SMAD1: variants seen among roughly 807,000 people sequenced by gnomAD.
The protein encoded by SMAD1 is MAD, mothers against decapentaplegic homolog 1.
SMAD1 carries 6 observed loss-of-function variants against 41.6 expected under a neutral mutation model. The ratio of observed to expected loss-of-function variants is 0.14; its 90% CI spans 0.08 to 0.28. The LOEUF (loss-of-function observed/expected upper bound fraction) is 0.28. Ranked by LOEUF, SMAD1 falls within the 10% of genes least tolerant of loss-of-function variation. The pLI is 1.00. For missense variants in SMAD1, 379 were observed against 582.6 expected (o/e 0.65, Z 3.60); for synonymous variants, 206 against 203.2 (o/e 1.01, Z -0.12).
At chr4:145,539,107 A>G (rs967924353) in intron 2 of SMAD1, among the ~76,000 whole-genome samples, 3 of 152,176 alleles carry the variant, frequency 2.0e-5, no homozygotes, top group Admixed American at 6.5e-5. Context: ...TGTATGAACT[A>G]ATTCTTCCTT....
intron 4 of SMAD1, chr4:145,546,029 CAA>C (rs1732230637): frequency 6.6e-6 from 1 of 152,280 alleles, no homozygotes; most frequent in African/African-American, 2.4e-5. Context: ...TGACTTAAAG[CAA>C]ATATAAGGAA....
At chr4:145,525,657 C>T (rs1267512429) in intron 2 of SMAD1, 1 of 152,536 alleles carries the variant, frequency 6.6e-6, no homozygotes. Context: ...GGCCAGGCCT[C>T]CTGGTGTATG....
chr4:145,510,217 T>C (rs888997160), intron 1 of SMAD1, among the ~76,000 whole-genome samples: 5 of 152,208 alleles, frequency 3.3e-5, no homozygotes, highest in African/African-American at 1.2e-4. Flanking sequence ...TATCCAATTT[T>C]ATTAGTATTT....
intron 1 of SMAD1, among the ~76,000 whole-genome samples, chr4:145,488,120 C>T (rs1394891360): frequency 6.9e-6 from 1 of 144,998 alleles, no homozygotes; most frequent in Non-Finnish European, 1.5e-5. Flanking sequence ...GAAAAAGGAA[C>T]TTTTTTTTTT....
chr4:145,498,655 A>T (rs1031494776), intron 1 of SMAD1, among the ~76,000 whole-genome samples: 25 of 152,202 alleles, frequency 1.6e-4, no homozygotes, highest in Non-Finnish European at 2.9e-5. Flanking sequence ...AAAAATGCAC[A>T]TGTATATACA....
intron 1 of SMAD1, among the ~76,000 whole-genome samples, chr4:145,489,810 G>A (rs1728679675): frequency 6.6e-6 from 1 of 152,166 alleles, no homozygotes; most frequent in Non-Finnish European, 1.5e-5. Flanking sequence ...CACAAAGAGA[G>A]AAAGAACTGG....
intron 2 of SMAD1, among the ~76,000 whole-genome samples, chr4:145,522,176 T>C (rs918163760): frequency 6.6e-6 from 1 of 151,452 alleles, no homozygotes; most frequent in Non-Finnish European, 1.5e-5. Flanking sequence ...GGCGGGCGCC[T>C]GTAGTCCCAG....
chr4:145,538,373 A>G (rs1191985702), intron 2 of SMAD1, among the ~76,000 whole-genome samples: 2 of 152,240 alleles, frequency 1.3e-5, no homozygotes, highest in African/African-American at 2.4e-5. Context: ...AAAAGAAAAT[A>G]CATTTATTAT....
chr4:145,530,312 C>T (rs1446312813), intron 2 of SMAD1, among the ~76,000 whole-genome samples: 1 of 152,046 alleles, frequency 6.6e-6, no homozygotes, highest in Non-Finnish European at 1.5e-5. Context: ...GAAATATGGC[C>T]AAGTGAGCAA....
At chr4:145,550,697 A>G (rs562943719) in intron 5 of SMAD1, among the ~76,000 whole-genome samples, 2 of 152,186 alleles carry the variant, frequency 1.3e-5, no homozygotes, top group African/African-American at 2.4e-5. Context: ...CAAAGAATCT[A>G]TCTTTTAAAA....
intron 2 of SMAD1, among the ~76,000 whole-genome samples, chr4:145,527,737 A>C (rs2126470400): frequency 6.6e-6 from 1 of 152,212 alleles, no homozygotes; most frequent in Non-Finnish European, 1.5e-5. Context: ...AAGGAGGGGC[A>C]TCCAGAGTTT....
At chr4:145,554,370 C>T (rs147731285) in intron 6 of SMAD1, among the ~76,000 whole-genome samples, 224 of 152,090 alleles carry the variant, frequency 1.5e-3, no homozygotes, top group African/African-American at 5.2e-3. Context: ...GGTTGTTTTA[C>T]GAGATCAGTT....
Position 145,482,197 on chromosome 4 carries a change from GCT to G in SMAD1, c.-177+162_-177+163del, listed in dbSNP as rs1728217148. On this transcript the variant is annotated intron_variant, in intron 1 of 6. Transcript: ENST00000302085. The surrounding 1 kb of genome is among the most constrained non-coding windows in gnomAD (Gnocchi z 4.2). ...GGGCGCGGGCAGCGGCGGGAAGGGG[GCT>G]CTTTCTGCGCGGGGCGGGCCGCGAC... Among the ~76,000 whole-genome samples, 1 of 150,798 alleles carries G rather than the reference GCT, an allele frequency of 6.6e-6. No individual in the cohort carries two copies. Among genetic ancestry groups the G allele is most frequent in the Non-Finnish European group, 1.5e-5 (1 of 67,736 alleles).
intron 3 of SMAD1, 133 bp downstream of exon 3, chr4:145,540,194 T>C (rs1731844588): frequency 3.1e-6 from 3 of 978,686 alleles, no homozygotes; most frequent in East Asian, 2.5e-5. Context: ...TCTCGCACTT[T>C]TAGGATACAA....
chr4:145,537,182 A>G (rs1205164520), intron 2 of SMAD1, among the ~76,000 whole-genome samples: 1 of 152,212 alleles, frequency 6.6e-6, no homozygotes, highest in Non-Finnish European at 1.5e-5. Context: ...CAGTTGACAG[A>G]GTTGGAATAT....
At chr4:145,515,200 GC>G (rs967004092) in intron 2 of SMAD1, among the ~76,000 whole-genome samples, 187 bp downstream of exon 2, 6 of 151,172 alleles carry the variant, frequency 4.0e-5, no homozygotes, top group Admixed American at 4.0e-4. Context: ...AAGAGAGAAA[GC>G]CCCTGAGTGT....
chr4:145,508,877 G>A (rs1729928362), intron 1 of SMAD1, among the ~76,000 whole-genome samples: 1 of 152,126 alleles, frequency 6.6e-6, no homozygotes, highest in Admixed American at 6.5e-5. Flanking sequence ...TTTTATGAGG[G>A]CACTAATTCC....
At chr4:145,535,294 A>T (rs1731549421) in intron 2 of SMAD1, among the ~76,000 whole-genome samples, 1 of 152,240 alleles carries the variant, frequency 6.6e-6, no homozygotes, top group Admixed American at 6.5e-5. Flanking sequence ...TAACAAAGTT[A>T]TATATACATT....
chr4:145,553,420 A>G (rs1732662583), intron 5 of SMAD1, among the ~76,000 whole-genome samples: 1 of 152,138 alleles, frequency 6.6e-6, no homozygotes, highest in South Asian at 2.1e-4. Flanking sequence ...ACTTCAGATC[A>G]TCAGGCATTA....
Sources: allele counts gnomAD v4.1 joint callset (sites outside exome capture counted in the v4.1 genomes callset), GRCh38; gene constraint gnomAD v4.1.1; non-coding constraint Gnocchi (gnomAD v3.1); transcripts MANE v1.5; gene names NCBI Gene and HGNC (gene_info 2026-07-23, HGNC 2026-07-21).